The following SHISA9 variants were observed in gnomAD, a reference collection of about 807,000 sequenced individuals.
SHISA9 encodes the protein shisa family member 9.
Under a neutral mutation model 38.0 loss-of-function variants are expected in SHISA9, and 13 were observed. The observed-to-expected ratio is 0.34, with a 90% CI of 0.22 to 0.54. SHISA9 has a LOEUF of 0.54. Ranked by LOEUF, SHISA9 falls within the 20% of genes least tolerant of loss-of-function variation. The pLI is 0.91. For synonymous variants in SHISA9, 275 were observed against 242.0 expected (o/e 1.14, Z -1.27); for missense variants, 538 against 575.8 (o/e 0.93, Z 0.67).
intron 2 of SHISA9, among the ~76,000 whole-genome samples, chr16:13,136,497 C>T (rs919107951): frequency 1.4e-5 from 2 of 140,726 alleles, no homozygotes; most frequent in Non-Finnish European, 3.0e-5. Flanking sequence ...CTCCCAGGTT[C>T]AAGTGATTCT....
chr16:13,189,440 C>T (rs752780488), intron 2 of SHISA9, among the ~76,000 whole-genome samples: 1 of 152,252 alleles, frequency 6.6e-6, no homozygotes, highest in African/African-American at 2.4e-5. Context: ...GTTGTTACAA[C>T]ATGCTGTGTG....
rs181800838 is a variant in SHISA9, at chr16:13,222,599, A to T, written c.895+9299A>T. On this transcript the variant is annotated intron_variant, in intron 4 of 4. Transcript: ENST00000558583. ...GGCTGGTAAATCTAGTTCTGAGTTG[A>T]GTGACCATGTGTCCAAGAAAAAGAA... is the stretch of plus-strand genomic sequence containing the variant. 2.0e-3 allele frequency among the ~76,000 whole-genome samples: 310 copies of T among 152,276 alleles called. 1 individual carries two copies. Among genetic ancestry groups the T allele is most frequent in the African/African-American group, 7.2e-3 (301 of 41,560 alleles).
intron 2 of SHISA9, among the ~76,000 whole-genome samples, chr16:13,117,648 G>A (rs909480416): frequency 4.6e-5 from 7 of 152,194 alleles, no homozygotes; most frequent in African/African-American, 1.7e-4. Context: ...GCCACCAGAA[G>A]CTGGAGGAGA....
the SHISA9 span, among the ~76,000 whole-genome samples, chr16:13,550,126 C>T: frequency 3.5e-3 from 538 of 152,098 alleles, 32 homozygotes; most frequent in East Asian, 0.09. Context: ...GGAACTACAG[C>T]AAGTGCAAAG....
At chr16:13,359,791 G>A in the SHISA9 span, among the ~76,000 whole-genome samples, 2 of 152,262 alleles carry the variant, frequency 1.3e-5, no homozygotes, top group East Asian at 3.9e-4. Flanking sequence ...ACTGTGCACG[G>A]GTTACCAACT....
the SHISA9 span, among the ~76,000 whole-genome samples, chr16:13,287,156 T>C: frequency 6.6e-6 from 1 of 152,126 alleles, no homozygotes; most frequent in Admixed American, 6.5e-5. Context: ...ATAAGATTAA[T>C]AACATGATCT....
At position 12,970,385 on chromosome 16, in the gene SHISA9, A is replaced by ATG. The variant is rs1567356963; in HGVS notation, c.691+53571_691+53572insGT. Among the ~76,000 whole-genome samples the ATG allele has an allele frequency of 6.2e-4, 21 of 33,604 alleles. 1 individual carries two copies. Among genetic ancestry groups the ATG allele is most frequent in the South Asian group, 6.0e-3 (5 of 834 alleles). 22.0% of individuals were successfully genotyped at this position (33,604 alleles called of 152,430 possible). A position where few individuals can be genotyped will look rare whatever the true frequency, so the allele number is the denominator to read the frequency against. On this transcript the variant is annotated intron_variant, in intron 2 of 4. Coordinates refer to ENST00000558583, the MANE Select transcript of SHISA9 (RefSeq NM_001145204.3). ...TATATATATACATATATATATACAT[A>ATG]TATGTATATATATATATACATATAT... is the stretch of plus-strand genomic sequence containing the variant.
the SHISA9 span, among the ~76,000 whole-genome samples, chr16:13,508,155 T>A: frequency 2.6e-5 from 4 of 152,226 alleles, no homozygotes; most frequent in African/African-American, 4.8e-5. Context: ...CACCTACCTT[T>A]TAGAGTTACA....
At chr16:13,090,232 A>C (rs1335026967) in intron 2 of SHISA9, among the ~76,000 whole-genome samples, 1 of 152,174 alleles carries the variant, frequency 6.6e-6, no homozygotes, top group African/African-American at 2.4e-5. Flanking sequence ...TTATGTGGTC[A>C]ATTTTAGAAT....
chr16:12,906,434 G>T (rs2071094389), intron 1 of SHISA9, among the ~76,000 whole-genome samples: 1 of 152,112 alleles, frequency 6.6e-6, no homozygotes, highest in Non-Finnish European at 1.5e-5. Context: ...CTGAGAAAAG[G>T]AGAAAGACAG....
At chr16:13,279,602 T>G in the SHISA9 span, among the ~76,000 whole-genome samples, 3 of 151,970 alleles carry the variant, frequency 2.0e-5, no homozygotes, top group Non-Finnish European at 4.4e-5. Context: ...CCTTAATTAT[T>G]TGAAAATAAT....
the SHISA9 span, among the ~76,000 whole-genome samples, chr16:13,355,909 G>C: frequency 0.054 from 8,255 of 152,238 alleles, 317 homozygotes; most frequent in East Asian, 0.19. Flanking sequence ...TCCGGGAGTG[G>C]CTGCCAGGTG....
chr16:13,465,182 A>G, the SHISA9 span, among the ~76,000 whole-genome samples: 1 of 152,216 alleles, frequency 6.6e-6, no homozygotes, highest in East Asian at 1.9e-4. Context: ...ATTTAGCAAC[A>G]TCCTCAGCCT....
chr16:13,322,292 A>G, the SHISA9 span, among the ~76,000 whole-genome samples: 1 of 152,252 alleles, frequency 6.6e-6, no homozygotes, highest in Non-Finnish European at 1.5e-5. Flanking sequence ...ACTGAACTTC[A>G]AATCTACAGC....
In SHISA9 at chr16:12,902,442, G is replaced by T; in HGVS notation, c.378G>T (p.Pro126=). 2 of 1,551,286 alleles carry T rather than the reference G, an allele frequency of 1.3e-6. No homozygotes were observed. The highest frequency in any genetic ancestry group is 1.7e-6 in the Non-Finnish European group (2 of 1,146,986). Residue 126 remains proline, a synonymous_variant, in exon 1 of 5, where the codon CCG becomes CCT. Coordinates refer to ENST00000558583, the MANE Select transcript of SHISA9 (RefSeq NM_001145204.3). The part of the protein sequence containing the change: ...NQSTCTNYDT[P]LWLNTGKPPA... The stretch of plus-strand genomic sequence containing the variant: ...GCACCTGCACCAACTACGACACGCC[G>T]CTCTGGCTCAACACCGGCAAGCCCC...
At chr16:13,135,571 ACTT>A (rs1351791540) in intron 2 of SHISA9, among the ~76,000 whole-genome samples, 10 of 152,130 alleles carry the variant, frequency 6.6e-5, no homozygotes, top group Non-Finnish European at 2.9e-5. Flanking sequence ...TTGCAGTTGA[ACTT>A]CTCCCTCTGC....
intron 2 of SHISA9, among the ~76,000 whole-genome samples, chr16:13,117,291 C>G (rs2074039867): frequency 6.6e-6 from 1 of 152,000 alleles, no homozygotes; most frequent in Non-Finnish European, 1.5e-5. Flanking sequence ...ATTAGTTTTT[C>G]AACACTCTCA....
chr16:13,082,292 C>T (rs2073659867), intron 2 of SHISA9: 1 of 152,118 alleles, frequency 6.6e-6, no homozygotes, highest in Non-Finnish European at 1.5e-5. Context: ...TTGACTAAAG[C>T]AACAGGAAAA....
Position 13,239,342 on chromosome 16 carries a change from G to A in SHISA9, c.*3933G>A, listed in dbSNP as rs2051415816. 1 of 151,110 alleles carries A rather than the reference G, an allele frequency of 6.6e-6. No homozygotes were observed. The highest frequency in any genetic ancestry group is 2.4e-5 in the African/African-American group (1 of 41,058). 9.4% of individuals were successfully genotyped at this position (151,110 alleles called of 1,614,324 possible). Reference sequence around the variant, plus strand: ...AGCAGCATGATTTATAGTCCTTTGGGTATATACCCAGTAATGGGATGGCTG... The same window carrying A: ...AGCAGCATGATTTATAGTCCTTTGGATATATACCCAGTAATGGGATGGCTG... On this transcript the variant is annotated 3_prime_UTR_variant, in exon 5 of 5. Transcript: ENST00000558583.
Sources: allele counts gnomAD v4.1 joint callset (sites outside exome capture counted in the v4.1 genomes callset), GRCh38; gene constraint gnomAD v4.1.1; transcripts MANE v1.5; gene names NCBI Gene and HGNC (gene_info 2026-07-23, HGNC 2026-07-21).